Variants in TENM3 observed in about 807,000 individuals in gnomAD.
TENM3 encodes the protein teneurin transmembrane protein 3.
Under a neutral mutation model 255.1 loss-of-function variants are expected in TENM3, and 63 were observed. The observed-to-expected ratio is 0.25, with a 90% CI of 0.20 to 0.30. TENM3 has a LOEUF of 0.30. Among genes scored for constraint, TENM3 ranks in the 10% least tolerant of loss-of-function variants. TENM3 has a pLI of 1.00. For missense variants in TENM3, 2,929 were observed against 3,461.1 expected, an observed-to-expected ratio of 0.85 and a Z score of 3.86; for synonymous variants, 1,306 against 1,322.3, an observed-to-expected ratio of 0.99 and a Z score of 0.27.
chr4:182,667,975 A>AT (rs892456462), intron 6 of TENM3, among the ~76,000 whole-genome samples: 1 of 151,948 alleles, frequency 6.6e-6, no homozygotes, highest in African/African-American at 2.4e-5. Context: ...TAATTAATTA[A>AT]TTAATTAATT....
At chr4:181,582,097 CAT>C in the TENM3 span, among the ~76,000 whole-genome samples, 1 of 152,182 alleles carries the variant, frequency 6.6e-6, no homozygotes, top group Non-Finnish European at 1.5e-5. Flanking sequence ...ATTGTAAGCA[CAT>C]ATGTTTGCTT....
Position 182,539,361 on chromosome 4 carries a change from G to A in TENM3, c.512-61563G>A, listed in dbSNP as rs556659533. 4.6e-5 allele frequency among the ~76,000 whole-genome samples: 7 copies of A among 152,170 alleles called. No homozygotes were observed. In the East Asian group the frequency reaches 1.4e-3, roughly 30 times the overall value. The stretch of plus-strand genomic sequence containing the variant: ...TGGAGAATACTGATGAGCTAGCAGT[G>A]ACTTCTCCGGAGGGATGGGAGTGGA... On this transcript the variant is annotated intron_variant, in intron 3 of 27. Coordinates refer to ENST00000511685, the MANE Select transcript of TENM3 (RefSeq NM_001080477.4).
At chr4:182,311,616 G>A (rs1432690324) in intron 1 of TENM3, among the ~76,000 whole-genome samples, 2 of 152,204 alleles carry the variant, frequency 1.3e-5, no homozygotes, top group African/African-American at 4.8e-5. Context: ...CGAAAATGGA[G>A]TTGATAATTC....
intron 3 of TENM3, among the ~76,000 whole-genome samples, chr4:182,396,414 C>G (rs756719806): frequency 6.6e-6 from 1 of 152,144 alleles, no homozygotes; most frequent in Non-Finnish European, 1.5e-5. Flanking sequence ...TGGTTTCTTT[C>G]TTTATAAAAT....
At chr4:181,962,877 AC>A in the TENM3 span, among the ~76,000 whole-genome samples, 1 of 152,196 alleles carries the variant, frequency 6.6e-6, no homozygotes, top group African/African-American at 2.4e-5. Flanking sequence ...AATAAATGGT[AC>A]GTAAAATTTC....
the TENM3 span, among the ~76,000 whole-genome samples, chr4:181,729,486 G>A: frequency 1.3e-5 from 2 of 152,028 alleles, no homozygotes; most frequent in African/African-American, 4.8e-5. Flanking sequence ...TAGAGGAACC[G>A]GAAAGGCAGC....
chr4:182,187,485 A>C (rs1271532593), intron 1 of TENM3, among the ~76,000 whole-genome samples: 3 of 152,198 alleles, frequency 2.0e-5, no homozygotes, highest in Non-Finnish European at 2.9e-5. Context: ...AACTCTCCCC[A>C]AATGAGGACA....
At position 182,754,972 on chromosome 4, in the gene TENM3, T is replaced by G. The variant is rs1218598938; in HGVS notation, c.4605T>G (p.Ser1535Arg). 1.2e-6 allele frequency: 2 copies of G among 1,614,032 alleles called. No homozygotes were observed. The highest frequency in any genetic ancestry group is 1.1e-5 in the South Asian group (1 of 91,082). ...ATGGTACTCACCAATATACTGTAAG[T>G]TTAGTCACTGGTGATTACCTTTACA... is the stretch of plus-strand genomic sequence containing the variant. ...DINGTHQYTV[S>R]LVTGDYLYNF... is the part of the protein sequence containing the mutation. The change falls in exon 22 of 28, where the codon AGT (serine) becomes AGG (arginine). Residue 1535 changes from serine to arginine, a missense_variant. Ser to Arg is a moderately radical substitution (Grantham distance 110, BLOSUM62 -1). This residue lies in a region of TENM3 where 1,608 missense variants were observed against 1,884.4 expected (regional missense o/e 0.85). Coordinates refer to ENST00000511685, the MANE Select transcript of TENM3 (RefSeq NM_001080477.4). The surrounding 1 kb of genome is among the most constrained non-coding windows in gnomAD (Gnocchi z 5.1).
chr4:182,649,765 G>T (rs926561985), intron 5 of TENM3, among the ~76,000 whole-genome samples: 6 of 150,358 alleles, frequency 4.0e-5, no homozygotes, highest in African/African-American at 1.5e-4. Context: ...GTCACCTAGT[G>T]ATATCCTCGG....
At chr4:182,718,364 C>T (rs1479248280) in intron 13 of TENM3, among the ~76,000 whole-genome samples, 2 of 152,118 alleles carry the variant, frequency 1.3e-5, no homozygotes, top group African/African-American at 4.8e-5. Flanking sequence ...CATTTCACTT[C>T]CTAATAACTC....
intron 1 of TENM3, among the ~76,000 whole-genome samples, chr4:182,299,016 A>AGAGGTAAT (rs1554045598): frequency 0.044 from 4,506 of 102,042 alleles, 567 homozygotes; most frequent in Middle Eastern, 0.097. Context: ...AAAAAAAAAA[A>AGAGGTAAT]GAGGTAATGG....
the TENM3 span, among the ~76,000 whole-genome samples, chr4:181,679,422 C>A: frequency 1.4e-4 from 21 of 152,224 alleles, no homozygotes; most frequent in Non-Finnish European, 1.2e-4. Context: ...ACATTATAAA[C>A]CTTCTTCTTA....
intron 3 of TENM3, among the ~76,000 whole-genome samples, chr4:182,590,571 A>G (rs1361482217): frequency 6.6e-6 from 1 of 151,112 alleles, no homozygotes; most frequent in African/African-American, 2.4e-5. Flanking sequence ...AGAAAAAGAA[A>G]AAGGTGGGCC....
the TENM3 span, among the ~76,000 whole-genome samples, chr4:181,609,657 A>C: frequency 6.6e-6 from 1 of 152,264 alleles, no homozygotes; most frequent in Non-Finnish European, 1.5e-5. Context: ...ATTTGGCCAC[A>C]TCAGGTGAGA....
At chr4:182,683,270 G>C (rs1251634495) in intron 11 of TENM3, among the ~76,000 whole-genome samples, 2 of 152,118 alleles carry the variant, frequency 1.3e-5, no homozygotes, top group Admixed American at 1.3e-4. Flanking sequence ...AACATAGTTA[G>C]TACAGAGCTT....
chr4:182,223,042 A>G (rs1379453452), intron 1 of TENM3, among the ~76,000 whole-genome samples: 1 of 152,198 alleles, frequency 6.6e-6, no homozygotes, highest in Non-Finnish European at 1.5e-5. Context: ...AGGTTTTGAC[A>G]TTCTGAGCAC....
At chr4:181,708,703 T>C in the TENM3 span, among the ~76,000 whole-genome samples, 5 of 152,242 alleles carry the variant, frequency 3.3e-5, no homozygotes, top group East Asian at 5.8e-4. Flanking sequence ...AAAGTACTGA[T>C]ACATGAAACC....
chr4:181,848,490 G>T, the TENM3 span, among the ~76,000 whole-genome samples: 1 of 152,152 alleles, frequency 6.6e-6, no homozygotes, highest in Non-Finnish European at 1.5e-5. Flanking sequence ...TGGGTACTCA[G>T]TATCCAACTC....
chr4:181,634,336 A>G, the TENM3 span, among the ~76,000 whole-genome samples: 1 of 151,472 alleles, frequency 6.6e-6, no homozygotes, highest in African/African-American at 2.4e-5. Flanking sequence ...CCTCTCCAAC[A>G]GATCCATTTT....
Sources: gnomAD v4.1 joint callset for allele counts (sites outside exome capture counted in the v4.1 genomes callset) on GRCh38, gnomAD v4.1.1 for gene constraint, gnomAD v4.1.1 regional missense constraint, Gnocchi (gnomAD v3.1) non-coding constraint, MANE v1.5 for transcripts, NCBI Gene and HGNC (gene_info 2026-07-23, HGNC 2026-07-21) for gene names.